ADD2: variants seen among roughly 807,000 people sequenced by gnomAD.
ADD2 encodes beta-adducin.
ADD2 carries 23 observed loss-of-function variants against 83.0 expected under a neutral mutation model. That is an observed-to-expected ratio of 0.28 (90% CI 0.20 to 0.39). The LOEUF (loss-of-function observed/expected upper bound fraction) is 0.39, where lower values mean the gene tolerates loss of function less well. ADD2 is among the 10% of genes least tolerant of loss of function. The pLI, the probability that ADD2 is intolerant of heterozygous loss-of-function variation, is 1.00. For synonymous variants in ADD2, 375 were observed against 375.4 expected, an observed-to-expected ratio of 1.00 and a Z score of 0.01; for missense variants, 758 against 944.9, an observed-to-expected ratio of 0.80 and a Z score of 2.59.
In ADD2 at chr2:70,685,702, A is replaced by C. The variant is rs192068756; in HGVS notation, c.949-1935T>G. Among the ~76,000 whole-genome samples the C allele has an allele frequency of 2.0e-5, 3 of 152,320 alleles. No individual in the cohort carries two copies. The East Asian group carries it at 5.8e-4, about 29-fold the overall frequency. On this transcript the variant is annotated intron_variant, in intron 9 of 15. Coordinates refer to ENST00000264436, the MANE Select transcript of ADD2 (RefSeq NM_001617.4). ...GTATCACCTGGTACATATGGGGTGA[A>C]GTATAATGTTCTAATGAATGAATTT...
intron 10 of ADD2, among the ~76,000 whole-genome samples, chr2:70,681,497 G>T (rs1487481301): frequency 6.6e-6 from 1 of 152,148 alleles, no homozygotes; most frequent in Non-Finnish European, 1.5e-5. Context: ...AACCTCTGAG[G>T]CTTCAGTGAG....
chr2:70,705,348 G>T (rs969365371), intron 3 of ADD2, among the ~76,000 whole-genome samples: 5 of 152,178 alleles, frequency 3.3e-5, no homozygotes, highest in Non-Finnish European at 5.9e-5. Context: ...CCCAGCCAGG[G>T]TCTCACACAG....
At chr2:70,748,290 TAAA>T (rs3836142) in intron 1 of ADD2, among the ~76,000 whole-genome samples, 29,118 of 146,788 alleles carry the variant, frequency 0.2, 2,967 homozygotes, top group East Asian at 0.29. Flanking sequence ...CAAACACTGA[TAAA>T]AAAAAAAAAA....
intron 1 of ADD2, chr2:70,760,794 T>C (rs1675041957): frequency 6.6e-6 from 1 of 152,228 alleles, no homozygotes; most frequent in Non-Finnish European, 1.5e-5. Context: ...TTATGTTTTA[T>C]ATATTTTAAG....
intron 1 of ADD2, among the ~76,000 whole-genome samples, chr2:70,721,654 A>G (rs1296240891): frequency 1.3e-5 from 2 of 152,262 alleles, no homozygotes; most frequent in Non-Finnish European, 2.9e-5. Flanking sequence ...CTGGAAATCA[A>G]GTGTGGTGCA....
intron 1 of ADD2, among the ~76,000 whole-genome samples, chr2:70,742,331 T>A (rs1014668155): frequency 6.6e-6 from 1 of 152,126 alleles, no homozygotes; most frequent in Non-Finnish European, 1.5e-5. Context: ...CCAGAGAAAA[T>A]ATTCACTGGG....
At position 70,672,868 on chromosome 2, in the gene ADD2, C is replaced by A. The variant is rs781982849; in HGVS notation, c.1870+10G>T. 3 of 1,608,102 alleles carry A rather than the reference C, an allele frequency of 1.9e-6. No homozygotes were observed. Among genetic ancestry groups the A allele is most frequent in the Non-Finnish European group, 2.5e-6 (3 of 1,178,058 alleles). On this transcript the variant is annotated intron_variant, in intron 15 of 15. Transcript: ENST00000264436. Reference sequence around the variant, plus strand: ...TCTCCCTCCCTCCCAGCCTACTCAGCTGGACTCACCCTCTAAAGACTTGGA... The same window carrying A: ...TCTCCCTCCCTCCCAGCCTACTCAGATGGACTCACCCTCTAAAGACTTGGA...
At chr2:70,674,220 A>T (rs1390547719) in intron 14 of ADD2, among the ~76,000 whole-genome samples, 1 of 152,164 alleles carries the variant, frequency 6.6e-6, no homozygotes, top group Non-Finnish European at 1.5e-5. Context: ...AGCTACTGTG[A>T]GTGAATATTT....
intron 2 of ADD2, among the ~76,000 whole-genome samples, chr2:70,707,546 C>A (rs1194814758): frequency 6.9e-5 from 2 of 28,942 alleles, no homozygotes; most frequent in East Asian, 2.2e-3. Context: ...CTTCACTTCC[C>A]GGCAGTGGGA....
intron 4 of ADD2, 58 bp downstream of exon 4, chr2:70,704,263 T>TGGCCCCCCCCCCCCCCCCCCCCCCCCC: frequency 9.9e-6 from 9 of 913,230 alleles, no homozygotes; most frequent in East Asian, 2.9e-5. Flanking sequence ...CTCCCTCTCT[T>TGGCCCCCCCCCCCCCCCCCCCCCCCCC]CCCCACCCCA....
chr2:70,717,368 C>T (rs1227102446), intron 1 of ADD2, among the ~76,000 whole-genome samples: 3 of 152,096 alleles, frequency 2.0e-5, no homozygotes, highest in Admixed American at 6.6e-5. Context: ...AATAGATGCC[C>T]GAGTTGTCTG....
intron 4 of ADD2, among the ~76,000 whole-genome samples, chr2:70,700,794 T>C (rs1190660793): frequency 6.6e-6 from 1 of 152,036 alleles, no homozygotes; most frequent in Non-Finnish European, 1.5e-5. Context: ...AAAAATAATA[T>C]TGTAAATGAC....
chr2:70,717,931 CA>C (rs1672556496), intron 1 of ADD2, among the ~76,000 whole-genome samples: 2 of 152,044 alleles, frequency 1.3e-5, no homozygotes, highest in Non-Finnish European at 2.9e-5. Flanking sequence ...TCATTTAAGC[CA>C]AAAATAGTTG....
chr2:70,681,630 T>C (rs1264163472), intron 10 of ADD2, among the ~76,000 whole-genome samples: 1 of 152,150 alleles, frequency 6.6e-6, no homozygotes, highest in East Asian at 1.9e-4. Context: ...GAAGAACCCG[T>C]CAGGTAGTTA....
chr2:70,683,791 T>C, intron 9 of ADD2, 24 bp from the exon 10 acceptor site: 1 of 1,598,716 alleles, frequency 6.3e-7, no homozygotes, highest in East Asian at 2.3e-5. Flanking sequence ...CAGAGAGCCC[T>C]CAGCCCATGT....
At chr2:70,755,044 C>T (rs1357883618) in intron 1 of ADD2, among the ~76,000 whole-genome samples, 2 of 152,168 alleles carry the variant, frequency 1.3e-5, no homozygotes, top group East Asian at 3.8e-4. Context: ...TTAGTTAAAC[C>T]CTATGTGACC....
Position 70,704,343 on chromosome 2 carries a change from T to C in ADD2, c.300A>G (p.Ala100=), listed in dbSNP as rs923841096. The C allele has an allele frequency of 1.4e-6, 2 of 1,463,388 alleles. No individual in the cohort carries two copies. Among genetic ancestry groups the C allele is most frequent in the Non-Finnish European group, 9.2e-7 (1 of 1,089,300 alleles). 90.7% of individuals were successfully genotyped at this position (1,463,388 alleles called of 1,614,324 possible). Residue 100 remains alanine (A), a synonymous_variant, in exon 4 of 16, where the codon GCA becomes GCG. Coordinates refer to ENST00000264436, the MANE Select transcript of ADD2 (RefSeq NM_001617.4). ...TACTCATGGAAGATGTCGGGAAGAC[T>C]GCGTGGGAGGTGCTGGCCATGAAGT... ...IADFMASTSH[A]VFPTSSMNVS...
At chr2:70,738,061 C>T (rs570290119) in intron 1 of ADD2, among the ~76,000 whole-genome samples, 1 of 152,308 alleles carries the variant, frequency 6.6e-6, no homozygotes, top group Non-Finnish European at 1.5e-5. Flanking sequence ...AAGCCCAGTA[C>T]ACCATGAGGC....
intron 4 of ADD2, among the ~76,000 whole-genome samples, chr2:70,698,059 T>C (rs1023702393): frequency 2.0e-5 from 3 of 152,208 alleles, no homozygotes; most frequent in African/African-American, 7.2e-5. Context: ...CCTCTGTGGG[T>C]TCCCCAGACA....
Sources: allele counts gnomAD v4.1 joint callset (sites outside exome capture counted in the v4.1 genomes callset), GRCh38; gene constraint gnomAD v4.1.1; transcripts MANE v1.5; gene names NCBI Gene and HGNC (gene_info 2026-07-23, HGNC 2026-07-21).